The following APP variants were observed in gnomAD, a reference collection of about 807,000 sequenced individuals.
APP encodes amyloid beta precursor protein.
In APP, 31 loss-of-function variants were observed where a neutral mutation model predicts 101.4. The ratio of observed to expected loss-of-function variants is 0.31; its 90% confidence interval spans 0.23 to 0.41. The LOEUF is 0.41. APP is among the 10% of genes least tolerant of loss of function. The pLI, the probability that APP is intolerant of heterozygous loss-of-function variation, is 1.00. For synonymous variants in APP, 366 were observed against 364.4 expected (o/e 1.00, Z -0.05); for missense variants, 839 against 1,003.7 (o/e 0.84, Z 2.22).
intron 13 of APP, among the ~76,000 whole-genome samples, chr21:25,930,770 T>C (rs1390763525): frequency 1.3e-5 from 2 of 152,184 alleles, no homozygotes. Flanking sequence ...ACACAAAACT[T>C]GCTTTCTGGT....
At chr21:25,886,693 C>G (rs1159318013) in intron 17 of APP, among the ~76,000 whole-genome samples, 2 of 152,140 alleles carry the variant, frequency 1.3e-5, no homozygotes, top group African/African-American at 4.8e-5. Context: ...CCACGCCTGG[C>G]CTGTGATCAT....
intron 13 of APP, among the ~76,000 whole-genome samples, chr21:25,932,668 T>A (rs1025236391): frequency 6.6e-6 from 1 of 152,228 alleles, no homozygotes; most frequent in Non-Finnish European, 1.5e-5. Context: ...TTAAAAATGT[T>A]ATTTTCATCT....
intron 5 of APP, among the ~76,000 whole-genome samples, chr21:26,038,231 C>T (rs1021073322): frequency 1.8e-4 from 27 of 150,288 alleles, no homozygotes; most frequent in African/African-American, 6.0e-4. Flanking sequence ...ACTACCAAAA[C>T]TAATTTTAAT....
intron 1 of APP, chr21:26,140,391 A>T (rs1569024185): frequency 8.3e-6 from 12 of 1,449,184 alleles, no homozygotes; most frequent in Non-Finnish European, 9.9e-6. Flanking sequence ...TGTGCTATTT[A>T]GGCGTGGATC....
intron 17 of APP, among the ~76,000 whole-genome samples, chr21:25,883,563 C>T (rs959426343): frequency 4.6e-5 from 7 of 152,076 alleles, no homozygotes; most frequent in South Asian, 2.1e-4. Context: ...CACAGTAGCA[C>T]GTGCCTGTAG....
intron 16 of APP, among the ~76,000 whole-genome samples, chr21:25,895,761 TGCTA>T (rs1569020321): frequency 6.6e-6 from 1 of 152,214 alleles, no homozygotes. Flanking sequence ...TAAACAAATA[TGCTA>T]GCTCAACATT....
chr21:26,069,810 A>G (rs1302166473), intron 3 of APP, among the ~76,000 whole-genome samples: 1 of 152,272 alleles, frequency 6.6e-6, no homozygotes, highest in Non-Finnish European at 1.5e-5. Context: ...GCAAACTTGT[A>G]TCTTAAAAGA....
At chr21:26,136,942 G>A (rs1458421455) in intron 1 of APP, among the ~76,000 whole-genome samples, 1 of 152,118 alleles carries the variant, frequency 6.6e-6, no homozygotes, top group Non-Finnish European at 1.5e-5. Context: ...ACCCAGGCTG[G>A]AGTGCAGTGG....
chr21:25,909,604 C>T (rs1033482919), intron 14 of APP, among the ~76,000 whole-genome samples: 4 of 152,272 alleles, frequency 2.6e-5, no homozygotes, highest in South Asian at 4.1e-4. Flanking sequence ...TACATTCACA[C>T]GTGTGCACGC....
At chr21:26,170,374 C>A (rs2063719043) in intron 1 of APP, among the ~76,000 whole-genome samples, 190 bp downstream of exon 1, 1 of 152,138 alleles carries the variant, frequency 6.6e-6, no homozygotes, top group South Asian at 2.1e-4. Flanking sequence ...CGGGCCGGAG[C>A]GCGACTCCCT....
rs191185810 is a variant in APP, at chr21:26,044,346, T to C, written c.662+6654A>G. ...AAGAAGTCTGGAGACTCACTGAATA[T>C]AGTCAAAAATCATCTTCCACATATT... On this transcript the variant is annotated intron_variant, in intron 5 of 17. Coordinates refer to ENST00000346798, the MANE Select transcript of APP (RefSeq NM_000484.4). Among the ~76,000 whole-genome samples the C allele has an allele frequency of 3.9e-5, 6 of 152,224 alleles. No individual in the cohort carries two copies. The East Asian group carries it at 1.2e-3, about 29-fold the overall frequency.
Position 25,955,739 on chromosome 21 carries a change from T to C in APP, c.1475A>G (p.Asn492Ser), listed in dbSNP as rs769638062. The change falls in exon 12 of 18, where the codon AAT (asparagine) becomes AGT (serine). Residue 492 changes from asparagine (N) to serine (S), a missense_variant. Physicochemically the swap from Asn to Ser is conservative, Grantham distance 46 (BLOSUM62 1). Transcript: ENST00000346798. Reference sequence around the variant, plus strand: ...TGCGCGGACATACTTCTTTAGCATATTGAACACGTGACGAGGCTGTGGGAG... The same window carrying C: ...TGCGCGGACATACTTCTTTAGCATACTGAACACGTGACGAGGCTGTGGGAG... ...AVPPRPRHVF[N>S]MLKKYVRAEQ... 1.9e-5 allele frequency: 31 copies of C among 1,614,054 alleles called. No homozygotes were observed. Among genetic ancestry groups the C allele is most frequent in the Admixed American group, 6.7e-5 (4 of 59,986 alleles).
intron 2 of APP, among the ~76,000 whole-genome samples, chr21:26,100,196 A>G (rs2062026262): frequency 6.8e-6 from 1 of 147,586 alleles, no homozygotes; most frequent in African/African-American, 2.5e-5. Flanking sequence ...CTTATTTTAA[A>G]ATATCCAAAC....
At chr21:26,105,982 A>G (rs1414511683) in intron 2 of APP, among the ~76,000 whole-genome samples, 1 of 152,228 alleles carries the variant, frequency 6.6e-6, no homozygotes, top group Non-Finnish European at 1.5e-5. Flanking sequence ...AAGATGGGCT[A>G]GTCCTGATAC....
At chr21:25,901,881 A>G (rs904921722) in intron 15 of APP, among the ~76,000 whole-genome samples, 2 of 152,154 alleles carry the variant, frequency 1.3e-5, no homozygotes, top group African/African-American at 4.8e-5. Flanking sequence ...AAGGGTGGTG[A>G]TGAATTGTAA....
intron 13 of APP, 46 bp from the exon 14 acceptor site, chr21:25,912,008 ACAG>A (rs573530195): frequency 4.4e-4 from 632 of 1,441,428 alleles, no homozygotes; most frequent in Non-Finnish European, 5.4e-4. Context: ...AACAATCACA[ACAG>A]CAGCAGCAGC....
At chr21:25,980,265 T>G (rs1057378278) in intron 9 of APP, among the ~76,000 whole-genome samples, 1 of 152,206 alleles carries the variant, frequency 6.6e-6, no homozygotes, top group Non-Finnish European at 1.5e-5. Context: ...GTGTTTATTT[T>G]TGTCATTGTT....
chr21:25,991,298 TC>T (rs2042852613), intron 8 of APP, among the ~76,000 whole-genome samples: 1 of 151,768 alleles, frequency 6.6e-6, no homozygotes, highest in African/African-American at 2.4e-5. Context: ...ACCACTTGTA[TC>T]CCCAAAGCTA....
intron 13 of APP, among the ~76,000 whole-genome samples, chr21:25,914,524 T>C (rs540946671): frequency 4.1e-5 from 6 of 145,262 alleles, no homozygotes; most frequent in Non-Finnish European, 7.6e-5. Context: ...TTTTGCTGCC[T>C]CTGGAGGATG....
Sources: allele counts gnomAD v4.1 joint callset (sites outside exome capture counted in the v4.1 genomes callset), GRCh38; gene constraint gnomAD v4.1.1; transcripts MANE v1.5; gene names NCBI Gene and HGNC (gene_info 2026-07-23, HGNC 2026-07-21).